C11orf65: variants seen among roughly 807,000 people sequenced by gnomAD.
C11orf65 encodes the protein chromosome 11 open reading frame 65, also known as protein MFI.
In C11orf65, 38 loss-of-function variants were observed where a neutral mutation model predicts 35.3. The observed-to-expected ratio is 1.08, with a 90% CI of 0.83 to 1.41. C11orf65 has a LOEUF of 1.41. Among genes scored for constraint, C11orf65 ranks in the 40% most tolerant of loss-of-function variants. The pLI, the probability that C11orf65 is intolerant of heterozygous loss-of-function variation, is 0.00. For synonymous variants in C11orf65, 105 were observed against 114.4 expected (o/e 0.92, Z 0.53); for missense variants, 370 against 367.1 (o/e 1.01, Z -0.06).
At chr11:108,371,281 G>A (rs1430284332) in intron 2 of C11orf65, among the ~76,000 whole-genome samples, 4 of 152,036 alleles carry the variant, frequency 2.6e-5, no homozygotes, top group African/African-American at 4.8e-5. Context: ...TTAAGTATAC[G>A]GTTCAGTAGC....
At chr11:108,347,143 A>G in intron 2 of C11orf65, 1 of 733,996 alleles carries the variant, frequency 1.4e-6, no homozygotes, top group Non-Finnish European at 2.4e-6. Flanking sequence ...CCGGTTATGC[A>G]CATCATTTAA....
chr11:108,423,691 G>A (rs536586648), intron 3 of C11orf65, among the ~76,000 whole-genome samples: 26 of 152,224 alleles, frequency 1.7e-4, no homozygotes, highest in African/African-American at 6.0e-4. Flanking sequence ...TGCCCCTCTG[G>A]GACAAAGCTT....
At chr11:108,336,091 G>T in intron 2 of C11orf65, 1 of 681,738 alleles carries the variant, frequency 1.5e-6, no homozygotes, top group Non-Finnish European at 2.6e-6. Flanking sequence ...GAGGCCAGGA[G>T]TTCGAGACCA....
chr11:108,317,701 AGTGT>A (rs2084866338), intron 6 of C11orf65, among the ~76,000 whole-genome samples: 1 of 145,514 alleles, frequency 6.9e-6, no homozygotes, highest in South Asian at 2.2e-4. Flanking sequence ...CCATATATAT[AGTGT>A]GTATGTGTGT....
intron 6 of C11orf65, chr11:108,321,234 T>C: frequency 6.3e-7 from 1 of 1,599,838 alleles, no homozygotes; most frequent in Non-Finnish European, 8.5e-7. Flanking sequence ...TAACAACAAA[T>C]TTAAACATTT....
intron 1 of C11orf65, among the ~76,000 whole-genome samples, chr11:108,464,924 T>G (rs949667621): frequency 6.6e-6 from 1 of 152,090 alleles, no homozygotes; most frequent in African/African-American, 2.4e-5. Flanking sequence ...TGGTGTCTAA[T>G]TTATGCCCAT....
intron 2 of C11orf65, among the ~76,000 whole-genome samples, chr11:108,337,670 TTGA>T (rs150965554): frequency 0.016 from 2,478 of 152,340 alleles, 36 homozygotes; most frequent in South Asian, 0.036. Flanking sequence ...TAGAACAAAG[TTGA>T]TGATCTATTA....
At chr11:108,437,677 T>C (rs1205893780) in intron 2 of C11orf65, among the ~76,000 whole-genome samples, 1 of 115,310 alleles carries the variant, frequency 8.7e-6, no homozygotes, top group Non-Finnish European at 1.6e-5. Flanking sequence ...ACCACTGCAC[T>C]CCAGCCTGGT....
At chr11:108,455,310 G>C (rs1260515465) in intron 2 of C11orf65, among the ~76,000 whole-genome samples, 3 of 152,118 alleles carry the variant, frequency 2.0e-5, no homozygotes, top group African/African-American at 7.2e-5. Context: ...AATTGTCTCT[G>C]TTTCCAGATG....
At chr11:108,338,093 A>C (rs185493897) in intron 2 of C11orf65, among the ~76,000 whole-genome samples, 1 of 152,280 alleles carries the variant, frequency 6.6e-6, no homozygotes, top group African/African-American at 2.4e-5. Flanking sequence ...CCACGCCTGT[A>C]ATCCCAGTAC....
At chr11:108,407,276 A>C (rs2092558951) in intron 3 of C11orf65, 127 bp from the exon 4 acceptor site, 1 of 722,102 alleles carries the variant, frequency 1.4e-6, no homozygotes, top group Non-Finnish European at 2.1e-6. Flanking sequence ...AGTCAGGTGA[A>C]CCAACCTCAA....
Position 108,316,058 on chromosome 11 carries a change from CAT to C in C11orf65, c.641-6989_641-6988del, listed in dbSNP as rs1565499757. The C allele has an allele frequency of 6.2e-7, 1 of 1,614,144 alleles. No individual in the cohort carries two copies. Among genetic ancestry groups the C allele is most frequent in the Non-Finnish European group, 8.5e-7 (1 of 1,180,014 alleles). ...GCAATGTGGGGCAAAGCCCTAGTAA[CAT>C]ATGACCTCGAAACAGCAATCCCCTC... is the stretch of plus-strand genomic sequence containing the variant. On this transcript the variant is annotated intron_variant, in intron 6 of 6. Transcript: ENST00000525729.
intron 3 of C11orf65, chr11:108,331,659 C>A: frequency 8.5e-6 from 12 of 1,409,158 alleles, no homozygotes; most frequent in Non-Finnish European, 1.1e-5. Context: ...AATGGAAATA[C>A]AAAATTTTGT....
At chr11:108,434,945 C>T (rs2093041109) in intron 2 of C11orf65, among the ~76,000 whole-genome samples, 1 of 152,110 alleles carries the variant, frequency 6.6e-6, no homozygotes, top group African/African-American at 2.4e-5. Flanking sequence ...AAGTAACTGG[C>T]CTGATAGAAT....
chr11:108,367,328 G>GT (rs1038602842), intron 2 of C11orf65: 31 of 184,098 alleles, frequency 1.7e-4, no homozygotes, highest in East Asian at 1.8e-4. Context: ...CCCCTTTCTT[G>GT]TAAGTTCTGC....
At chr11:108,432,631 T>G (rs2135431478) in intron 2 of C11orf65, among the ~76,000 whole-genome samples, 1 of 152,276 alleles carries the variant, frequency 6.6e-6, no homozygotes, top group African/African-American at 2.4e-5. Flanking sequence ...CACTCCCCAT[T>G]TGCTTATGTT....
At chr11:108,365,847 G>A (rs905804487) in intron 2 of C11orf65, 6 of 277,948 alleles carry the variant, frequency 2.2e-5, no homozygotes, top group Non-Finnish European at 4.2e-5. Context: ...TGGCCAGTAT[G>A]GTGAAACCCT....
chr11:108,332,700 A>C, intron 3 of C11orf65: 2 of 1,549,064 alleles, frequency 1.3e-6, no homozygotes, highest in Non-Finnish European at 1.8e-6. Context: ...TGTTTTTCTA[A>C]CTCTGAGAAG....
intron 2 of C11orf65, chr11:108,366,947 G>C (rs1417667337): frequency 1.8e-5 from 4 of 218,432 alleles, no homozygotes; most frequent in Non-Finnish European, 2.8e-5. Context: ...TTCCAGGACA[G>C]CTACAGCATC....
Sources: gnomAD v4.1 joint callset for allele counts (sites outside exome capture counted in the v4.1 genomes callset) on GRCh38, gnomAD v4.1.1 for gene constraint, MANE v1.5 for transcripts, NCBI Gene and HGNC (gene_info 2026-07-23, HGNC 2026-07-21) for gene names.